SLC9A9: variants seen among roughly 807,000 people sequenced by gnomAD.
The protein encoded by SLC9A9 is solute carrier family 9 member A9.
SLC9A9 carries 62 observed loss-of-function variants against 77.8 expected under a neutral mutation model. That is an observed-to-expected ratio of 0.80 (90% CI 0.65 to 0.98). SLC9A9 has a LOEUF of 0.98. Among genes scored for constraint, SLC9A9 ranks in the 50% least tolerant of loss-of-function variants. The pLI is 0.00. For missense variants in SLC9A9, 775 were observed against 774.9 expected, an observed-to-expected ratio of 1.00 and a Z score of 0.00; for synonymous variants, 320 against 283.5, an observed-to-expected ratio of 1.13 and a Z score of -1.29.
chr3:143,330,019 C>T (rs896842377), intron 14 of SLC9A9, among the ~76,000 whole-genome samples: 3 of 152,132 alleles, frequency 2.0e-5, no homozygotes, highest in East Asian at 1.9e-4. Context: ...ATGCTGGCGG[C>T]GCTATTCATG....
intron 11 of SLC9A9, among the ~76,000 whole-genome samples, chr3:143,487,298 TG>T (rs2035669127): frequency 6.6e-6 from 1 of 151,910 alleles, no homozygotes; most frequent in African/African-American, 2.4e-5. Context: ...CAAAATTTAA[TG>T]GAGAAATAGA....
At chr3:143,817,823 T>C (rs6762196) in intron 2 of SLC9A9, among the ~76,000 whole-genome samples, 8,672 of 42,528 alleles carry the variant, frequency 0.2, 637 homozygotes, top group African/African-American at 0.3. Flanking sequence ...GCCTATTTAA[T>C]GTTTCAAAAT....
chr3:143,688,112 T>TTCTC (rs946925084), intron 5 of SLC9A9, among the ~76,000 whole-genome samples: 2 of 151,036 alleles, frequency 1.3e-5, no homozygotes, highest in African/African-American at 4.9e-5. Flanking sequence ...CCTTTCTTTC[T>TTCTC]TCTCTCTCTC....
intron 4 of SLC9A9, among the ~76,000 whole-genome samples, chr3:143,776,297 T>C (rs2007689734): frequency 6.6e-6 from 1 of 152,192 alleles, no homozygotes; most frequent in Non-Finnish European, 1.5e-5. Flanking sequence ...ACAGTACTCT[T>C]AAACTTTGGG....
intron 4 of SLC9A9, among the ~76,000 whole-genome samples, chr3:143,694,621 T>C (rs1933573803): frequency 6.6e-6 from 1 of 152,166 alleles, no homozygotes; most frequent in South Asian, 2.1e-4. Context: ...AAACTGAATA[T>C]AGTGTGATGA....
chr3:143,812,798 C>T (rs2008903369), intron 2 of SLC9A9, among the ~76,000 whole-genome samples: 1 of 152,160 alleles, frequency 6.6e-6, no homozygotes, highest in Admixed American at 6.5e-5. Flanking sequence ...CCATTAATGG[C>T]TCCAGGAGAG....
intron 1 of SLC9A9, 102 bp from the exon 2 acceptor site, chr3:143,832,323 G>T (rs1360847214): frequency 1.9e-6 from 2 of 1,026,626 alleles, no homozygotes; most frequent in Non-Finnish European, 2.9e-6. Context: ...ACAGGATAAA[G>T]TGTTGGGTTA....
chr3:143,791,137 T>C (rs1347943019), intron 4 of SLC9A9, among the ~76,000 whole-genome samples: 1 of 152,294 alleles, frequency 6.6e-6, no homozygotes, highest in East Asian at 1.9e-4. Context: ...AGGAGATGGA[T>C]TTAAAATACT....
At chr3:143,563,450 A>G (rs1207979609) in intron 8 of SLC9A9, among the ~76,000 whole-genome samples, 2 of 152,206 alleles carry the variant, frequency 1.3e-5, no homozygotes, top group African/African-American at 4.8e-5. Context: ...ACTGGGAGTC[A>G]GAAGACATAG....
intron 6 of SLC9A9, among the ~76,000 whole-genome samples, chr3:143,624,768 C>A (rs11707596): frequency 0.3 from 45,100 of 151,706 alleles, 6,882 homozygotes; most frequent in African/African-American, 0.36. Flanking sequence ...CTGGCCAGGG[C>A]AATCAGGCAG....
At chr3:143,336,851 A>G (rs187084581) in intron 14 of SLC9A9, among the ~76,000 whole-genome samples, 40 of 152,278 alleles carry the variant, frequency 2.6e-4, no homozygotes, top group African/African-American at 7.5e-4. Flanking sequence ...ATTGAACTGT[A>G]TACTTAAAAA....
chr3:143,488,561 G>A (rs1252753217), intron 11 of SLC9A9, among the ~76,000 whole-genome samples: 1 of 151,988 alleles, frequency 6.6e-6, no homozygotes, highest in East Asian at 1.9e-4. Context: ...GACCAAGTGA[G>A]ATTTGTTCCC....
intron 9 of SLC9A9, among the ~76,000 whole-genome samples, chr3:143,533,302 G>T (rs2036544266): frequency 6.6e-6 from 1 of 152,146 alleles, no homozygotes; most frequent in Non-Finnish European, 1.5e-5. Flanking sequence ...GAGAACCCAG[G>T]TCTTCCACAT....
chr3:143,789,040 T>C (rs886401433), intron 4 of SLC9A9, among the ~76,000 whole-genome samples: 1 of 152,202 alleles, frequency 6.6e-6, no homozygotes, highest in Non-Finnish European at 1.5e-5. Flanking sequence ...GAAAACAATT[T>C]GGCATATTTT....
At chr3:143,308,377 C>G (rs2030885993) in intron 14 of SLC9A9, among the ~76,000 whole-genome samples, 2 of 152,026 alleles carry the variant, frequency 1.3e-5, no homozygotes, top group Non-Finnish European at 2.9e-5. Context: ...GAGATCGAGA[C>G]CATCCTGGCT....
intron 14 of SLC9A9, among the ~76,000 whole-genome samples, chr3:143,352,391 G>A (rs1369115790): frequency 2.0e-5 from 3 of 152,212 alleles, no homozygotes; most frequent in Non-Finnish European, 4.4e-5. Flanking sequence ...CATGTTTATA[G>A]GCGACAGGTC....
chr3:143,570,339 A>G (rs1243057687), intron 8 of SLC9A9, among the ~76,000 whole-genome samples: 1 of 152,174 alleles, frequency 6.6e-6, no homozygotes, highest in East Asian at 1.9e-4. Context: ...GCAGTGATTA[A>G]TAAGATTTGG....
chr3:143,613,385 G>A (rs2038051486), intron 6 of SLC9A9, among the ~76,000 whole-genome samples: 1 of 152,160 alleles, frequency 6.6e-6, no homozygotes. Context: ...ACTTTTATAT[G>A]TTTAAAGCTC....
At chr3:143,567,570 G>A (rs1203886927) in intron 8 of SLC9A9, among the ~76,000 whole-genome samples, 1 of 152,158 alleles carries the variant, frequency 6.6e-6, no homozygotes, top group Admixed American at 6.6e-5. Flanking sequence ...TCATTTGCAT[G>A]TCTAAAAGCC....
Sources: gnomAD v4.1 joint callset for allele counts (sites outside exome capture counted in the v4.1 genomes callset) on GRCh38, gnomAD v4.1.1 for gene constraint, MANE v1.5 for transcripts, NCBI Gene and HGNC (gene_info 2026-07-23, HGNC 2026-07-21) for gene names.